The following SPAG16 variants were observed in gnomAD, a reference collection of about 807,000 sequenced individuals.
SPAG16 encodes the protein sperm associated antigen 16.
Under a neutral mutation model 80.4 loss-of-function variants are expected in SPAG16, and 86 were observed. The ratio of observed to expected loss-of-function variants is 1.07; its 90% CI spans 0.90 to 1.28. The LOEUF (loss-of-function observed/expected upper bound fraction) is 1.28, where lower values mean the gene tolerates loss of function less well. Ranked by LOEUF, SPAG16 falls within the 50% of genes most tolerant of loss-of-function variation. The pLI is 0.00. For missense variants in SPAG16, 870 were observed against 765.3 expected, an observed-to-expected ratio of 1.14 and a Z score of -1.61; for synonymous variants, 294 against 265.9, an observed-to-expected ratio of 1.11 and a Z score of -1.03.
chr2:213,540,939 T>G (rs761804814), intron 10 of SPAG16, among the ~76,000 whole-genome samples: 1 of 152,132 alleles, frequency 6.6e-6, no homozygotes, highest in Non-Finnish European at 1.5e-5. Flanking sequence ...TGGAAGCTAT[T>G]TGTGTGTGTA....
intron 9 of SPAG16, among the ~76,000 whole-genome samples, chr2:213,385,168 T>A (rs1195883611): frequency 6.6e-6 from 1 of 152,200 alleles, no homozygotes; most frequent in Non-Finnish European, 1.5e-5. Flanking sequence ...CATGGGATTT[T>A]TGGCCTTTTA....
In SPAG16 at chr2:213,317,204, T is replaced by C. The variant is rs762049489; in HGVS notation, c.399-15T>C. 2.6e-6 allele frequency: 4 copies of C among 1,526,950 alleles called. No homozygotes were observed. The highest frequency in any genetic ancestry group is 1.8e-4 in the Middle Eastern group (1 of 5,696). The allele number at this position is 1,526,950 out of a possible 1,614,324, so 94.6% of individuals were successfully genotyped here. A position where few individuals can be genotyped will look rare whatever the true frequency, so the allele number is the denominator to read the frequency against. On this transcript the variant is annotated splice_polypyrimidine_tract_variant and intron_variant, in intron 4 of 15. Transcript: ENST00000331683. ...AAAGAAATGATATAAACCCTTTTGTTTGATTTTATCCTAGGTATGAGTTAA... is the reference window on the plus strand; with the variant it reads ...AAAGAAATGATATAAACCCTTTTGTCTGATTTTATCCTAGGTATGAGTTAA...
intron 15 of SPAG16, among the ~76,000 whole-genome samples, chr2:214,365,986 T>C (rs1699456021): frequency 6.6e-6 from 1 of 151,806 alleles, no homozygotes; most frequent in Admixed American, 6.6e-5. Flanking sequence ...CAGGTTTTTT[T>C]TTTTTTTTTG....
intron 13 of SPAG16, among the ~76,000 whole-genome samples, chr2:214,106,342 A>G (rs1289432479): frequency 1.3e-5 from 2 of 152,146 alleles, no homozygotes; most frequent in African/African-American, 4.8e-5. Flanking sequence ...GATGATTTGA[A>G]GTTCTTAGCA....
At chr2:213,459,266 A>G (rs2072221451) in intron 9 of SPAG16, among the ~76,000 whole-genome samples, 1 of 152,064 alleles carries the variant, frequency 6.6e-6, no homozygotes, top group Non-Finnish European at 1.5e-5. Flanking sequence ...CTTACGTTTC[A>G]TATGCCTATT....
At chr2:213,681,156 G>A (rs1024479711) in intron 10 of SPAG16, among the ~76,000 whole-genome samples, 3 of 152,154 alleles carry the variant, frequency 2.0e-5, no homozygotes, top group African/African-American at 7.2e-5. Flanking sequence ...GGGGAAAGAG[G>A]ATTCTCTATA....
intron 15 of SPAG16, among the ~76,000 whole-genome samples, chr2:214,185,237 T>A (rs2057431037): frequency 1.3e-5 from 2 of 152,222 alleles, no homozygotes; most frequent in Admixed American, 1.3e-4. Context: ...AGCTTGGGTC[T>A]ACCTATCTCA....
chr2:213,414,683 A>G (rs1018581817), intron 9 of SPAG16, among the ~76,000 whole-genome samples: 1 of 152,238 alleles, frequency 6.6e-6, no homozygotes, highest in Non-Finnish European at 1.5e-5. Context: ...CTAATGCAAA[A>G]CTTTAATCAC....
intron 10 of SPAG16, among the ~76,000 whole-genome samples, chr2:213,758,582 A>T (rs2068472648): frequency 6.6e-6 from 1 of 152,150 alleles, no homozygotes; most frequent in African/African-American, 2.4e-5. Context: ...GATTCAAAGG[A>T]AGATTTGAGC....
chr2:214,025,898 C>A (rs564318149), intron 13 of SPAG16, among the ~76,000 whole-genome samples: 13 of 151,354 alleles, frequency 8.6e-5, no homozygotes, highest in African/African-American at 2.7e-4. Context: ...AATGATATAA[C>A]AAAATTAAAC....
chr2:214,023,931 G>A (rs982736810), intron 13 of SPAG16, among the ~76,000 whole-genome samples: 15 of 151,458 alleles, frequency 9.9e-5, no homozygotes, highest in Non-Finnish European at 1.9e-4. Context: ...TATGTCCATT[G>A]AAAAATAAAT....
chr2:213,588,065 T>C (rs1273814002), intron 10 of SPAG16, among the ~76,000 whole-genome samples: 1 of 152,204 alleles, frequency 6.6e-6, no homozygotes, highest in Non-Finnish European at 1.5e-5. Context: ...TTCATAATGG[T>C]TTGTTATTCA....
intron 15 of SPAG16, among the ~76,000 whole-genome samples, chr2:214,338,534 A>T (rs1369991327): frequency 6.6e-6 from 1 of 152,060 alleles, no homozygotes; most frequent in African/African-American, 2.4e-5. Flanking sequence ...TTTAAAAAAA[A>T]TCCTCCAGTG....
At chr2:214,258,220 G>A (rs184825472) in intron 15 of SPAG16, among the ~76,000 whole-genome samples, 17 of 151,596 alleles carry the variant, frequency 1.1e-4, no homozygotes, top group African/African-American at 3.6e-4. Context: ...TACCCAATGT[G>A]TAGTCTTTTA....
chr2:213,357,328 G>A lies in SPAG16; in HGVS notation c.762+6683G>A, dbSNP rs113973847. On this transcript the variant is annotated intron_variant, in intron 7 of 15. Transcript: ENST00000331683. ...GATATCCTTGTTAACCTTCTGTCTC[G>A]TTGATCTGTCTAATATTGACAGTAG... 9.7e-3 allele frequency among the ~76,000 whole-genome samples: 1,477 copies of A among 152,186 alleles called. 13 individuals are homozygous for A. Among genetic ancestry groups the A allele is most frequent in the African/African-American group, 0.03 (1,250 of 41,516 alleles).
At chr2:213,527,937 T>C (rs1244720047) in intron 10 of SPAG16, among the ~76,000 whole-genome samples, 1 of 151,666 alleles carries the variant, frequency 6.6e-6, no homozygotes, top group African/African-American at 2.4e-5. Flanking sequence ...TGCTGAAAGG[T>C]AGTTATAGAT....
intron 9 of SPAG16, among the ~76,000 whole-genome samples, chr2:213,443,997 G>C (rs1299373859): frequency 6.6e-6 from 1 of 152,192 alleles, no homozygotes; most frequent in Non-Finnish European, 1.5e-5. Flanking sequence ...GAGAAACTGG[G>C]AACTGGACAC....
At chr2:213,967,591 A>T (rs1217294132) in intron 12 of SPAG16, among the ~76,000 whole-genome samples, 3 of 152,192 alleles carry the variant, frequency 2.0e-5, no homozygotes, top group Non-Finnish European at 4.4e-5. Context: ...TTGTATATAG[A>T]TGTAAATATT....
chr2:213,918,167 T>C (rs886970452), intron 11 of SPAG16, among the ~76,000 whole-genome samples: 1 of 152,196 alleles, frequency 6.6e-6, no homozygotes, highest in African/African-American at 2.4e-5. Flanking sequence ...TGGAATTGAT[T>C]GGCAATTATT....
Sources: gnomAD v4.1 joint callset for allele counts (sites outside exome capture counted in the v4.1 genomes callset) on GRCh38, gnomAD v4.1.1 for gene constraint, MANE v1.5 for transcripts, NCBI Gene and HGNC (gene_info 2026-07-23, HGNC 2026-07-21) for gene names.